ZSCAN5C: variants seen among roughly 807,000 people sequenced by gnomAD.
ZSCAN5C encodes zinc finger and SCAN domain containing 5C.
Under a neutral mutation model 17.3 loss-of-function variants are expected in ZSCAN5C, and 11 were observed. The ratio of observed to expected loss-of-function variants is 0.64; its 90% CI spans 0.40 to 1.06. The LOEUF is 1.06. Ranked by LOEUF, ZSCAN5C falls within the 50% of genes least tolerant of loss-of-function variation. ZSCAN5C has a pLI of 0.00. For synonymous variants in ZSCAN5C, 229 were observed against 208.4 expected (o/e 1.10, Z -0.85); for missense variants, 698 against 538.9 (o/e 1.30, Z -2.92).
chr19:56,209,272 C>T (rs1438374569), downstream of ZSCAN5C: 4 of 612,732 alleles, frequency 6.5e-6, no homozygotes, highest in South Asian at 2.0e-5. Flanking sequence ...TGTCAGATGA[C>T]GTTTGACAGA....
intron 4 of ZSCAN5C, 113 bp downstream of exon 4, chr19:56,208,297 C>T (rs111847463): frequency 0.028 from 19,267 of 677,594 alleles, 449 homozygotes; most frequent in Middle Eastern, 0.073. Context: ...GCCAAAGCCT[C>T]TCCATCCCTT....
chr19:56,205,619 C>T (rs1429312248), intron 1 of ZSCAN5C, among the ~76,000 whole-genome samples, 168 bp from the exon 2 acceptor site: 2 of 151,860 alleles, frequency 1.3e-5, no homozygotes, highest in Non-Finnish European at 2.9e-5. Context: ...TACTCCAGAA[C>T]ATGTGGTCAG....
Position 56,203,010 on chromosome 19 carries a change from C to G in ZSCAN5C, c.-128+688C>G, listed in dbSNP as rs73065786. Reference sequence around the variant, plus strand: ...TGCTGTATACTCCCAGAATTGAATACTAACCCGCGTACCTGCCTTTATTTT... The same window carrying G: ...TGCTGTATACTCCCAGAATTGAATAGTAACCCGCGTACCTGCCTTTATTTT... On this transcript the variant is annotated intron_variant, in intron 1 of 4. Coordinates refer to ENST00000534327, the Ensembl canonical transcript of ZSCAN5C. 3.1e-3 allele frequency among the ~76,000 whole-genome samples: 467 copies of G among 152,174 alleles called. 4 individuals are homozygous for G. Among genetic ancestry groups the G allele is most frequent in the Middle Eastern group, 0.01 (3 of 294 alleles).
intron 3 of ZSCAN5C, among the ~76,000 whole-genome samples, chr19:56,207,598 A>T (rs1413936256): frequency 1.3e-5 from 2 of 151,314 alleles, no homozygotes; most frequent in Non-Finnish European, 2.9e-5. Flanking sequence ...TCAGCAGGGA[A>T]CTCACCTCCT....
exon 5 of ZSCAN5C, chr19:56,209,142 G>C (rs1172995694): frequency 6.9e-7 from 1 of 1,440,582 alleles, no homozygotes; most frequent in Non-Finnish European, 9.7e-7. Flanking sequence ...AGAGCCTTCG[G>C]TCGGCCGGCG....
chr19:56,209,290 C>G, downstream of ZSCAN5C: 1 of 599,490 alleles, frequency 1.7e-6, no homozygotes, highest in Non-Finnish European at 3.0e-6. Flanking sequence ...AGATGAAGGG[C>G]GCCTGGCACG....
chr19:56,207,936 G>C, intron 3 of ZSCAN5C, 98 bp from the exon 4 acceptor site: 1 of 631,996 alleles, frequency 1.6e-6, no homozygotes, highest in Non-Finnish European at 2.8e-6. Flanking sequence ...CCACACCTGT[G>C]TCATTAGAAG....
intron 4 of ZSCAN5C, 57 bp downstream of exon 4, chr19:56,208,241 G>C (rs1021615670): frequency 1.7e-5 from 12 of 707,048 alleles, no homozygotes; most frequent in African/African-American, 1.6e-4. Context: ...GGGGTGTGGG[G>C]CTGGGGTCCC....
chr19:56,208,214 G>C (rs769864354), intron 4 of ZSCAN5C, 30 bp downstream of exon 4: 3 of 760,942 alleles, frequency 3.9e-6, no homozygotes, highest in Non-Finnish European at 7.3e-6. Context: ...CCTGTGTGGA[G>C]ATAGCCCCTC....
chr19:56,209,303 G>A (rs2032963994), downstream of ZSCAN5C: 4 of 596,604 alleles, frequency 6.7e-6, no homozygotes. Flanking sequence ...CTGGCACGCA[G>A]AGGAGTGCCC....
chr19:56,207,321 G>C (rs560028313), intron 3 of ZSCAN5C, 59 bp downstream of exon 3: 101 of 702,628 alleles, frequency 1.4e-4, no homozygotes, highest in Non-Finnish European at 2.4e-4. Flanking sequence ...GGAGGAAATC[G>C]TGTGGCCACT....
At chr19:56,203,520 T>C (rs1321269797) in intron 1 of ZSCAN5C, among the ~76,000 whole-genome samples, 1 of 151,784 alleles carries the variant, frequency 6.6e-6, no homozygotes, top group African/African-American at 2.4e-5. Flanking sequence ...TGTTGGACAA[T>C]TGCTCTCTTG....
intron 4 of ZSCAN5C, 27 bp downstream of exon 4, chr19:56,208,211 G>A (rs1599947970): frequency 1.3e-6 from 1 of 764,278 alleles, no homozygotes; most frequent in Non-Finnish European, 2.4e-6. Context: ...ACACCTGTGT[G>A]GAGATAGCCC....
intron 1 of ZSCAN5C, among the ~76,000 whole-genome samples, chr19:56,204,990 A>C (rs1255735505): frequency 6.6e-6 from 1 of 150,718 alleles, no homozygotes; most frequent in Non-Finnish European, 1.5e-5. Context: ...AGAGCACTAG[A>C]CTTTAAATCC....
exon 2 of ZSCAN5C, chr19:56,206,085 C>T (rs775495992): frequency 3.7e-6 from 6 of 1,610,798 alleles, no homozygotes; most frequent in African/African-American, 1.4e-5. Context: ...GGAGTCGGAC[C>T]CCATCCAGGC....
At chr19:56,208,834 G>A (rs759754579) in exon 5 of ZSCAN5C, 13 of 1,557,884 alleles carry the variant, frequency 8.3e-6, no homozygotes, top group African/African-American at 2.8e-5. Flanking sequence ...CCGTCCACAC[G>A]AGATCACACA....
At chr19:56,207,187 G>C in exon 3 of ZSCAN5C, 1 of 778,496 alleles carries the variant, frequency 1.3e-6, no homozygotes, top group Non-Finnish European at 2.4e-6. Context: ...CTGTGAACCA[G>C]ATGTGTCCGG....
intron 1 of ZSCAN5C, among the ~76,000 whole-genome samples, chr19:56,205,399 A>G (rs2032909800): frequency 6.6e-6 from 1 of 151,950 alleles, no homozygotes; most frequent in Non-Finnish European, 1.5e-5. Context: ...GTCTTATTGC[A>G]TAATTATGAC....
In ZSCAN5C at chr19:56,206,414, G is replaced by A. The variant is rs9917087; in HGVS notation, c.384+117G>A. The A allele has an allele frequency of 7.8e-5, 110 of 1,416,488 alleles. No individual in the cohort carries two copies. In the African/African-American group the frequency reaches 1.5e-3, roughly 20 times the overall value. The allele number at this position is 1,416,488 out of a possible 1,614,324, so 87.7% of individuals were successfully genotyped here. Reference sequence around the variant, plus strand: ...TCTAGGTCAGGGCTTCCAAGTAGAGGAGAGTTTGCCCATCAGGGACACATG... The same window carrying A: ...TCTAGGTCAGGGCTTCCAAGTAGAGAAGAGTTTGCCCATCAGGGACACATG... On this transcript the variant is annotated intron_variant, in intron 2 of 4. Coordinates refer to ENST00000534327, the Ensembl canonical transcript of ZSCAN5C.
Sources: gnomAD v4.1 joint callset for allele counts (sites outside exome capture counted in the v4.1 genomes callset) on GRCh38, gnomAD v4.1.1 for gene constraint, MANE v1.5 for transcripts, NCBI Gene and HGNC (gene_info 2026-07-23, HGNC 2026-07-21) for gene names.